The following MMS19 variants were observed in gnomAD, a reference collection of about 807,000 sequenced individuals.
MMS19 encodes the protein MMS19 nucleotide excision repair protein homolog.
A neutral mutation model predicts 129.8 loss-of-function variants in MMS19; 77 were observed. The observed-to-expected ratio is 0.59, with a 90% CI of 0.49 to 0.72. MMS19 has a LOEUF of 0.72. Ranked by LOEUF, MMS19 falls within the 30% of genes least tolerant of loss-of-function variation. MMS19 has a pLI of 0.00. For synonymous variants in MMS19, 491 were observed against 502.8 expected (o/e 0.98, Z 0.31); for missense variants, 1,168 against 1,266.3 (o/e 0.92, Z 1.18).
intron 1 of MMS19, among the ~76,000 whole-genome samples, chr10:97,496,331 C>T (rs1258298723): frequency 1.3e-5 from 2 of 151,948 alleles, no homozygotes; most frequent in African/African-American, 4.8e-5. Context: ...ACCTAGGCAA[C>T]ATGGTGAAAC....
At chr10:97,462,825 T>A (rs1474676895) in intron 19 of MMS19, 143 bp from the exon 20 acceptor site, 1 of 669,906 alleles carries the variant, frequency 1.5e-6, no homozygotes, top group Non-Finnish European at 2.6e-6. Flanking sequence ...GGTAGTGCTA[T>A]AGTCCTGAGA....
At chr10:97,490,172 A>G (rs4917773) in intron 1 of MMS19, among the ~76,000 whole-genome samples, 78,961 of 151,726 alleles carry the variant, frequency 0.52, 20,846 homozygotes, top group South Asian at 0.59. Context: ...TCGACTTCCC[A>G]GGCTCAAGTG....
In MMS19 at chr10:97,461,694, G is replaced by C. The variant is rs1395763717; in HGVS notation, c.2185-72C>G. 1.9e-6 allele frequency: 3 copies of C among 1,561,550 alleles called. No homozygotes were observed. In the African/African-American group the frequency reaches 4.1e-5, roughly 21 times the overall value. On this transcript the variant is annotated intron_variant, in intron 22 of 30. Transcript: ENST00000438925. ...CCAAGAGAACCAGTACATAGTGGCA[G>C]CAGGGACCGGGACGGATGAGAACTA...
chr10:97,491,824 GAATT>G (rs1381247502), intron 1 of MMS19, among the ~76,000 whole-genome samples: 6 of 151,922 alleles, frequency 3.9e-5, no homozygotes, highest in Non-Finnish European at 1.5e-5. Flanking sequence ...CAAAATTCTT[GAATT>G]AATGCAGCAC....
At chr10:97,491,350 CTATTT>C (rs925953925) in intron 1 of MMS19, among the ~76,000 whole-genome samples, 12 of 152,196 alleles carry the variant, frequency 7.9e-5, no homozygotes, top group Non-Finnish European at 1.5e-5. Context: ...TCAGTACCTT[CTATTT>C]TTTCATTTTT....
intron 1 of MMS19, among the ~76,000 whole-genome samples, chr10:97,489,944 G>C (rs1169689044): frequency 6.6e-6 from 1 of 152,196 alleles, no homozygotes; most frequent in Non-Finnish European, 1.5e-5. Flanking sequence ...ACTTGGTTAA[G>C]GTATGTCTGC....
Position 97,466,794 on chromosome 10 carries a change from C to T in MMS19, c.1405G>A (p.Val469Ile). ...LQLVGIRTLT[V>I]LGAQPDLLSY... ...GATGTACCTGGCTGGGCACCCAAGA[C>T]TGTCAGTGTACGGATGCCAACAAGC... The change falls in exon 15 of 31, where the codon GTC becomes ATC. Residue 469 changes from valine (V) to isoleucine (I), a missense_variant. This residue lies in a region of MMS19 where 831 missense variants were observed against 910.8 expected (regional missense o/e 0.91). Transcript: ENST00000438925. 1 of 1,614,030 alleles carries T rather than the reference C, an allele frequency of 6.2e-7. No individual in the cohort carries two copies. Among genetic ancestry groups the T allele is most frequent in the African/African-American group, 1.3e-5 (1 of 75,042 alleles).
Position 97,461,076 on chromosome 10 carries a change from A to C in MMS19, c.2312-69T>G, listed in dbSNP as rs1275517716. 10 of 1,285,444 alleles carry C rather than the reference A, an allele frequency of 7.8e-6. No individual in the cohort carries two copies. The East Asian group carries it at 2.6e-4, about 33-fold the overall frequency. The allele number at this position is 1,285,444 out of a possible 1,614,324, so 79.6% of individuals were successfully genotyped here. ...TCCCTTTAGCAATGAAATGCAAATC[A>C]CTTTAAGTGCAGAGCTCCCTGAGAA... On this transcript the variant is annotated intron_variant, in intron 23 of 30. Coordinates refer to ENST00000438925, the MANE Select transcript of MMS19 (RefSeq NM_022362.5).
In MMS19 at chr10:97,468,248, T is replaced by G; in HGVS notation, c.1218+4A>C. ...CATTTCCCCCAAAGATTCTGCTCCC[T>G]TACCTGACTGTGCTTGTGGAACTGT... On this transcript the variant is annotated splice_donor_region_variant and intron_variant, in intron 13 of 30. Coordinates refer to ENST00000438925, the MANE Select transcript of MMS19 (RefSeq NM_022362.5). 1 of 1,564,906 alleles carries G rather than the reference T, an allele frequency of 6.4e-7. No individual in the cohort carries two copies. Among genetic ancestry groups the G allele is most frequent in the Non-Finnish European group, 8.7e-7 (1 of 1,149,154 alleles).
chr10:97,497,472 A>C (rs1471106646), intron 1 of MMS19, among the ~76,000 whole-genome samples: 1 of 152,080 alleles, frequency 6.6e-6, no homozygotes, highest in Non-Finnish European at 1.5e-5. Context: ...TTATATTGTT[A>C]CTTAAACCCA....
intron 1 of MMS19, among the ~76,000 whole-genome samples, chr10:97,485,068 T>G (rs1335824508): frequency 6.6e-6 from 1 of 151,902 alleles, no homozygotes; most frequent in Non-Finnish European, 1.5e-5. Context: ...AGCCACTGCG[T>G]GCGACCTAGA....
rs375504836 is a variant in MMS19 at position 97,467,573 on chromosome 10, C to T, written c.1229G>A (p.Arg410Gln). The change falls in exon 14 of 31, where the codon CGG (arginine) becomes CAG (glutamine). Residue 410 changes from arginine (R) to glutamine (Q), a missense_variant. Physicochemically the swap from Arg to Gln is conservative, Grantham distance 43. Coordinates refer to ENST00000438925, the MANE Select transcript of MMS19 (RefSeq NM_022362.5). Reference protein sequence around the residue: ...QFHKHSQSSQRRTILEMLLGF... With the variant: ...QFHKHSQSSQQRTILEMLLGF... ...CAGGAGCATTTCAAGGATTGTCCGC[C>T]GCTGGCTGCTCTGTAACGTTTCAAG... 2.6e-4 allele frequency: 416 copies of T among 1,613,806 alleles called. 1 individual carries two copies. The highest frequency in any genetic ancestry group is 3.4e-4 in the Non-Finnish European group (396 of 1,179,848).
At chr10:97,468,090 T>A (rs1235502140) in intron 13 of MMS19, among the ~76,000 whole-genome samples, 162 bp downstream of exon 13, 1 of 152,028 alleles carries the variant, frequency 6.6e-6, no homozygotes, top group East Asian at 1.9e-4. Flanking sequence ...CTTTTATGTA[T>A]GAGACAGGGA....
chr10:97,478,813 A>G (rs1233928527), intron 3 of MMS19, among the ~76,000 whole-genome samples: 1 of 152,232 alleles, frequency 6.6e-6, no homozygotes, highest in Non-Finnish European at 1.5e-5. Context: ...AAGTTTATAA[A>G]AACAGGTGTA....
intron 19 of MMS19, 112 bp from the exon 20 acceptor site, chr10:97,462,794 G>T: frequency 1.3e-6 from 1 of 792,198 alleles, no homozygotes; most frequent in Non-Finnish European, 2.1e-6. Flanking sequence ...AGCCACGACA[G>T]CAGTTCTTAA....
chr10:97,495,220 G>A (rs1361730494), intron 1 of MMS19, among the ~76,000 whole-genome samples: 1 of 152,180 alleles, frequency 6.6e-6, no homozygotes, highest in Non-Finnish European at 1.5e-5. Flanking sequence ...AACGTCCAGG[G>A]AGCAGTGAGA....
intron 22 of MMS19, 92 bp from the exon 23 acceptor site, chr10:97,461,714 GAACT>G: frequency 6.5e-7 from 1 of 1,547,234 alleles, no homozygotes; most frequent in Non-Finnish European, 8.8e-7. Context: ...GGACGGATGA[GAACT>G]AACTTCTCTG....
chr10:97,476,800 G>A (rs748622766), intron 7 of MMS19, 35 bp downstream of exon 7: 1 of 1,613,846 alleles, frequency 6.2e-7, no homozygotes, highest in Non-Finnish European at 8.5e-7. Flanking sequence ...ATCTGATAAA[G>A]CTCCAATGAG....
Position 97,459,209 on chromosome 10 carries a change from C to A in MMS19, c.2964+14G>T. ...GATGTTCCCAGGCCAGGGAAGGACA[C>A]CTGAGGTACTTACCACAGGGGTGGG... is the stretch of plus-strand genomic sequence containing the variant. On this transcript the variant is annotated intron_variant, in intron 29 of 30. Transcript: ENST00000438925. 6.2e-7 allele frequency: 1 copy of A among 1,608,744 alleles called. No homozygotes were observed. The highest frequency in any genetic ancestry group is 8.5e-7 in the Non-Finnish European group (1 of 1,177,568).
Sources: allele counts gnomAD v4.1 joint callset (sites outside exome capture counted in the v4.1 genomes callset), GRCh38; gene constraint gnomAD v4.1.1; regional missense constraint gnomAD v4.1.1; transcripts MANE v1.5; gene names NCBI Gene and HGNC (gene_info 2026-07-23, HGNC 2026-07-21).